The following BICC1 variants were observed in gnomAD, a reference collection of about 807,000 sequenced individuals.
The protein encoded by BICC1 is BicC family RNA binding protein 1.
Under a neutral mutation model 111.0 loss-of-function variants are expected in BICC1, and 43 were observed. That is an observed-to-expected ratio of 0.39 (90% CI 0.30 to 0.50). BICC1 has a LOEUF of 0.50. Among genes scored for constraint, BICC1 ranks in the 20% least tolerant of loss-of-function variants. BICC1 has a pLI of 0.88. For missense variants in BICC1, 1,091 were observed against 1,203.2 expected (o/e 0.91, Z 1.38); for synonymous variants, 467 against 434.4 (o/e 1.07, Z -0.93).
intron 2 of BICC1, among the ~76,000 whole-genome samples, chr10:58,681,999 A>G (rs1038571792): frequency 1.4e-5 from 2 of 148,062 alleles, no homozygotes; most frequent in Non-Finnish European, 3.0e-5. Flanking sequence ...TATTTCTCCT[A>G]ATGCTATCCC....
At chr10:58,522,255 A>G (rs114283388) in intron 1 of BICC1, among the ~76,000 whole-genome samples, 2,150 of 152,158 alleles carry the variant, frequency 0.014, 51 homozygotes, top group African/African-American at 0.049. Context: ...CCTATGTAAT[A>G]TATTATGAAA....
At chr10:58,586,609 A>T (rs1221675458) in intron 1 of BICC1, among the ~76,000 whole-genome samples, 3 of 87,808 alleles carry the variant, frequency 3.4e-5, no homozygotes, top group East Asian at 4.1e-4. Flanking sequence ...AGAGAGACTC[A>T]CTCTCTCTCA....
At position 58,778,125 on chromosome 10, in the gene BICC1, A is replaced by T. The variant is rs145012703; in HGVS notation, c.308-6876A>T. Among the ~76,000 whole-genome samples the T allele has an allele frequency of 8.0e-3, 1,211 of 152,104 alleles. 14 individuals carry two copies. The highest frequency in any genetic ancestry group is 0.024 in the African/African-American group (987 of 41,482). ...CTACTCAGGAGGCTGAGGTGGGAGG[A>T]TCGCTTGAGTCTGGGAGGCGGCAGT... On this transcript the variant is annotated intron_variant, in intron 3 of 20. Transcript: ENST00000373886.
At chr10:58,753,006 T>C (rs1221091940) in intron 3 of BICC1, among the ~76,000 whole-genome samples, 3 of 152,098 alleles carry the variant, frequency 2.0e-5, no homozygotes, top group Non-Finnish European at 4.4e-5. Context: ...TGCATCTGAG[T>C]AATCAGGAAA....
intron 2 of BICC1, among the ~76,000 whole-genome samples, chr10:58,689,308 G>C (rs867112500): frequency 6.6e-6 from 1 of 152,158 alleles, no homozygotes; most frequent in African/African-American, 2.4e-5. Flanking sequence ...ATTCTCAAAA[G>C]CTTCCATGAG....
chr10:58,559,108 C>T (rs542619259), intron 1 of BICC1, among the ~76,000 whole-genome samples: 2 of 46,184 alleles, frequency 4.3e-5, no homozygotes, highest in Non-Finnish European at 1.3e-4. Flanking sequence ...TAATAACCAC[C>T]CCCCCAGGAC....
chr10:58,560,913 A>G (rs902999274), intron 1 of BICC1, among the ~76,000 whole-genome samples: 5 of 151,962 alleles, frequency 3.3e-5, no homozygotes, highest in African/African-American at 1.2e-4. Flanking sequence ...ATATGATTTC[A>G]ATTTTTAAAA....
intron 2 of BICC1, among the ~76,000 whole-genome samples, chr10:58,673,314 C>A (rs1839237492): frequency 6.6e-6 from 1 of 152,144 alleles, no homozygotes; most frequent in African/African-American, 2.4e-5. Flanking sequence ...TTTCTGGCAT[C>A]CTCTGGGAAG....
intron 1 of BICC1, among the ~76,000 whole-genome samples, chr10:58,521,413 A>G (rs767770191): frequency 6.6e-6 from 1 of 152,188 alleles, no homozygotes; most frequent in Non-Finnish European, 1.5e-5. Context: ...TTCTGCCTAA[A>G]AGCCTTTTAT....
At chr10:58,589,948 T>A (rs1238818349) in intron 1 of BICC1, among the ~76,000 whole-genome samples, 2 of 152,110 alleles carry the variant, frequency 1.3e-5, no homozygotes, top group Non-Finnish European at 2.9e-5. Context: ...TAGGACCATA[T>A]ATGCACACCC....
intron 20 of BICC1, chr10:58,824,094 G>A (rs1844327597): frequency 1.0e-6 from 1 of 984,062 alleles, no homozygotes; most frequent in Non-Finnish European, 1.2e-6. Context: ...CTGTTATCTG[G>A]CATACTTGGA....
At chr10:58,613,678 G>A (rs1330454388) in intron 1 of BICC1, among the ~76,000 whole-genome samples, 1 of 152,142 alleles carries the variant, frequency 6.6e-6, no homozygotes, top group Non-Finnish European at 1.5e-5. Context: ...TAAGTTTTTA[G>A]TGCATTGTCT....
chr10:58,695,819 T>C (rs750815374), intron 2 of BICC1, among the ~76,000 whole-genome samples: 34 of 152,218 alleles, frequency 2.2e-4, no homozygotes, highest in Middle Eastern at 3.2e-3. Flanking sequence ...CTGGAATTTG[T>C]TGGAGATGAG....
chr10:58,545,329 T>C (rs1335888756), intron 1 of BICC1, among the ~76,000 whole-genome samples: 1 of 152,158 alleles, frequency 6.6e-6, no homozygotes, highest in Non-Finnish European at 1.5e-5. Context: ...TTTCTCAAGT[T>C]TGCAAAATTA....
chr10:58,749,584 T>A (rs891730142), intron 3 of BICC1, among the ~76,000 whole-genome samples: 3 of 152,170 alleles, frequency 2.0e-5, no homozygotes, highest in Non-Finnish European at 4.4e-5. Flanking sequence ...ATGTGACTTT[T>A]ACAGAGCATC....
At chr10:58,786,504 T>A (rs1189864578) in intron 4 of BICC1, among the ~76,000 whole-genome samples, 1 of 152,206 alleles carries the variant, frequency 6.6e-6, no homozygotes, top group Non-Finnish European at 1.5e-5. Flanking sequence ...TCTAATTTTG[T>A]ATCATCTTAG....
chr10:58,806,402 G>A lies in BICC1; in HGVS notation c.2182-182G>A, dbSNP rs116233035. 8.2e-3 allele frequency among the ~76,000 whole-genome samples: 1,246 copies of A among 152,040 alleles called. 14 individuals are homozygous for A. The highest frequency in any genetic ancestry group is 0.029 in the African/African-American group (1,182 of 41,434). ...GATTTATTATTACTAATTAATTAGTGTTGGAAACATGTTTAAACTTACAGA... is the reference window on the plus strand; with the variant it reads ...GATTTATTATTACTAATTAATTAGTATTGGAAACATGTTTAAACTTACAGA... On this transcript the variant is annotated intron_variant, in intron 15 of 20. Coordinates refer to ENST00000373886, the MANE Select transcript of BICC1 (RefSeq NM_001080512.3).
chr10:58,828,888 G>A lies in BICC1; in HGVS notation c.2922G>A (p.Trp974Ter). The A allele has an allele frequency of 1.9e-6, 3 of 1,613,806 alleles. No individual in the cohort carries two copies. Among genetic ancestry groups the A allele is most frequent in the Non-Finnish European group, 2.5e-6 (3 of 1,179,812 alleles). The change falls in exon 21 of 21, where the codon TGG (tryptophan) becomes TGA (stop). Residue 974 changes from tryptophan to a stop codon, truncating the protein, a stop_gained. Coordinates refer to ENST00000373886, the MANE Select transcript of BICC1 (RefSeq NM_001080512.3). LOFTEE classifies it high-confidence loss of function. ...HSDIASVSGR[W>*] is the part of the protein sequence containing the mutation. The stretch of plus-strand genomic sequence containing the variant: ...ACATTGCTAGTGTCAGTGGCCGCTG[G>A]TAGCAGCACCCTCTTGGCACATGCC...
chr10:58,825,082 T>A (rs1157570147), intron 20 of BICC1, among the ~76,000 whole-genome samples: 2 of 152,194 alleles, frequency 1.3e-5, no homozygotes, highest in Admixed American at 6.5e-5. Flanking sequence ...AATTTTAGAT[T>A]CAAGTATTTG....
Sources: allele counts gnomAD v4.1 joint callset (sites outside exome capture counted in the v4.1 genomes callset), GRCh38; gene constraint gnomAD v4.1.1; transcripts MANE v1.5; gene names NCBI Gene and HGNC (gene_info 2026-07-23, HGNC 2026-07-21).